NINL: variants seen among roughly 807,000 people sequenced by gnomAD.
The protein encoded by NINL is ninein like.
In NINL, 153 loss-of-function variants were observed where a neutral mutation model predicts 160.3. The ratio of observed to expected loss-of-function variants is 0.95; its 90% CI spans 0.84 to 1.09. NINL has a LOEUF of 1.09. NINL is among the 50% of genes least tolerant of loss of function. NINL has a pLI of 0.00. For missense variants in NINL, 1,829 were observed against 1,764.0 expected (o/e 1.04, Z -0.66); for synonymous variants, 800 against 734.8 (o/e 1.09, Z -1.43).
chr20:25,570,894 G>T (rs1021466379), intron 1 of NINL, among the ~76,000 whole-genome samples: 2 of 151,478 alleles, frequency 1.3e-5, no homozygotes, highest in Admixed American at 1.3e-4. Flanking sequence ...GTAAAGACGG[G>T]GTTTCACCAT....
At chr20:25,535,235 A>G (rs1025501557) in intron 1 of NINL, among the ~76,000 whole-genome samples, 1 of 152,198 alleles carries the variant, frequency 6.6e-6, no homozygotes, top group Non-Finnish European at 1.5e-5. Flanking sequence ...AGAAGCTACG[A>G]GTGAACAGAA....
At chr20:25,564,214 A>G (rs1400425047) in intron 1 of NINL, among the ~76,000 whole-genome samples, 1 of 151,026 alleles carries the variant, frequency 6.6e-6, no homozygotes, top group Admixed American at 6.6e-5. Context: ...CAGTGGTGCA[A>G]TATCAGCTCA....
chr20:25,492,805 C>G (rs1447726611), intron 10 of NINL, among the ~76,000 whole-genome samples: 1 of 152,058 alleles, frequency 6.6e-6, no homozygotes, highest in Non-Finnish European at 1.5e-5. Flanking sequence ...GATATATAGG[C>G]AATGTAAAGA....
intron 18 of NINL, among the ~76,000 whole-genome samples, chr20:25,467,887 G>A (rs1355501757): frequency 6.6e-6 from 1 of 152,114 alleles, no homozygotes; most frequent in Non-Finnish European, 1.5e-5. Context: ...GGTCCTCACA[G>A]ACTCAAGAAA....
chr20:25,575,125 A>G lies in NINL; in HGVS notation c.-12+10330T>C, dbSNP rs2065099200. On this transcript the variant is annotated intron_variant, in intron 1 of 23. Transcript: ENST00000278886. ...TATAGGACTAGCTTTTTAACTTGTT[A>G]TTCTGAAAAACTTTCAAATGTATAG... 2.0e-5 allele frequency among the ~76,000 whole-genome samples: 3 copies of G among 152,180 alleles called. No individual in the cohort carries two copies. In the South Asian group the frequency reaches 6.2e-4, roughly 31 times the overall value.
At chr20:25,507,841 A>G (rs2063992007) in intron 5 of NINL, among the ~76,000 whole-genome samples, 1 of 152,222 alleles carries the variant, frequency 6.6e-6, no homozygotes, top group Admixed American at 6.5e-5. Flanking sequence ...TGTGAAAGCA[A>G]TCCTGATACT....
chr20:25,566,840 G>A (rs60838372), intron 1 of NINL, among the ~76,000 whole-genome samples: 5,255 of 151,994 alleles, frequency 0.035, 289 homozygotes, highest in African/African-American at 0.12. Context: ...TGAAAACAAA[G>A]CAACACCATT....
intron 1 of NINL, among the ~76,000 whole-genome samples, chr20:25,560,670 G>T (rs888705467): frequency 2.0e-5 from 3 of 152,020 alleles, no homozygotes; most frequent in African/African-American, 7.3e-5. Flanking sequence ...CTGGTTTTGG[G>T]GGGATCTCTC....
intron 1 of NINL, among the ~76,000 whole-genome samples, chr20:25,543,443 C>T (rs1484869783): frequency 1.3e-5 from 2 of 152,152 alleles, no homozygotes; most frequent in Non-Finnish European, 2.9e-5. Flanking sequence ...CCCAGCTACT[C>T]AGGAGACTGA....
rs751176520 is a variant in NINL at position 25,500,884 on chromosome 20, T to C, written c.988A>G (p.Met330Val). Reference sequence around the variant, plus strand: ...TTCTGAATCCCCTCCTGGGTCCACATGGCCAGGACCTGATCAGGAAAAGCG... The same window carrying C: ...TTCTGAATCCCCTCCTGGGTCCACACGGCCAGGACCTGATCAGGAAAAGCG... ...GFAFPDQVLAMWTQEGIQNGR... is the reference protein window; with the variant it reads ...GFAFPDQVLAVWTQEGIQNGR... The change falls in exon 8 of 24, where the codon ATG becomes GTG. Residue 330 changes from methionine to valine, a missense_variant. Physicochemically the swap from Met to Val is conservative, Grantham distance 21. Coordinates refer to ENST00000278886, the MANE Select transcript of NINL (RefSeq NM_025176.6). 11 of 1,614,132 alleles carry C rather than the reference T, an allele frequency of 6.8e-6. No homozygotes were observed. The highest frequency in any genetic ancestry group is 9.3e-6 in the Non-Finnish European group (11 of 1,180,026).
At position 25,517,794 on chromosome 20, in the gene NINL, C is replaced by T. The variant is rs6115203; in HGVS notation, c.236G>A (p.Gly79Asp). The T allele has an allele frequency of 6.2e-7, 1 of 1,608,542 alleles. No individual in the cohort carries two copies. The highest frequency in any genetic ancestry group is 8.5e-7 in the Non-Finnish European group (1 of 1,178,640). The change falls in exon 3 of 24, where the codon GGT becomes GAT. Residue 79 changes from glycine to aspartate, a missense_variant. Gly to Asp is a moderately conservative substitution (Grantham distance 94, BLOSUM62 -1). Transcript: ENST00000278886. ...ACTGTCTTCATCTGAGGGGCGAACA[C>T]CAGCATTTGAAGACAACACAGCCAC... ...GFVAVLSSNAGVRPSDEDSSS... is the reference protein window; with the variant it reads ...GFVAVLSSNADVRPSDEDSSS...
intron 23 of NINL, 150 bp from the exon 24 acceptor site, chr20:25,453,792 T>C (rs1411589886): frequency 6.3e-6 from 4 of 633,036 alleles, no homozygotes; most frequent in Non-Finnish European, 1.0e-5. Flanking sequence ...GGTTCACGCC[T>C]GTAATCCCAG....
intron 13 of NINL, chr20:25,489,024 G>A: frequency 1.8e-6 from 1 of 570,238 alleles, no homozygotes; most frequent in Non-Finnish European, 3.2e-6. Flanking sequence ...AGACAACAAT[G>A]CCCTGCATGG....
At chr20:25,526,651 T>G (rs909136186) in intron 1 of NINL, 53 bp from the exon 2 acceptor site, 1 of 1,543,660 alleles carries the variant, frequency 6.5e-7, no homozygotes, top group African/African-American at 1.4e-5. Context: ...CCACCTCCCC[T>G]CCCATTCCCA....
chr20:25,455,619 G>GGAGA, intron 23 of NINL, 54 bp downstream of exon 23: 2 of 1,308,446 alleles, frequency 1.5e-6, no homozygotes, highest in Admixed American at 3.4e-5. Flanking sequence ...CCATAAAAGT[G>GGAGA]GAGAGCGTTC....
chr20:25,547,872 A>G (rs952507739), intron 1 of NINL, among the ~76,000 whole-genome samples: 4 of 152,162 alleles, frequency 2.6e-5, no homozygotes, highest in African/African-American at 9.7e-5. Flanking sequence ...AACCGGGGCA[A>G]CCTCTACGGA....
Position 25,480,208 on chromosome 20 carries a change from G to C in NINL, c.1870C>G (p.Gln624Glu), listed in dbSNP as rs1325672577. ...VSIETELMME[Q>E]VKEHYQDLRT... ...AGGTCTTGGTAATGCTCCTTTACCTGCTCCATCATCAGCTCCGTTTCTATA... is the reference window on the plus strand; with the variant it reads ...AGGTCTTGGTAATGCTCCTTTACCTCCTCCATCATCAGCTCCGTTTCTATA... The change falls in exon 15 of 24, where the codon CAG (glutamine) becomes GAG (glutamate). Residue 624 changes from glutamine (Q) to glutamate (E), a missense_variant. Coordinates refer to ENST00000278886, the MANE Select transcript of NINL (RefSeq NM_025176.6). The C allele has an allele frequency of 3.1e-6, 5 of 1,614,034 alleles. No individual in the cohort carries two copies. Among genetic ancestry groups the C allele is most frequent in the Non-Finnish European group, 3.4e-6 (4 of 1,180,002 alleles).
At chr20:25,484,436 G>T (rs1027962692) in intron 13 of NINL, among the ~76,000 whole-genome samples, 2 of 152,214 alleles carry the variant, frequency 1.3e-5, no homozygotes, top group Admixed American at 6.5e-5. Flanking sequence ...ATGGCAGATT[G>T]TGGGCAGGTG....
chr20:25,465,497 T>G (rs1040556377), intron 19 of NINL, among the ~76,000 whole-genome samples: 2 of 151,978 alleles, frequency 1.3e-5, no homozygotes, highest in African/African-American at 4.8e-5. Flanking sequence ...CCTGGAACAC[T>G]AGCTCCCTGA....
Sources: gnomAD v4.1 joint callset for allele counts (sites outside exome capture counted in the v4.1 genomes callset) on GRCh38, gnomAD v4.1.1 for gene constraint, MANE v1.5 for transcripts, NCBI Gene and HGNC (gene_info 2026-07-23, HGNC 2026-07-21) for gene names.